The following ADAMTS2 variants were observed in gnomAD, a reference collection of about 807,000 sequenced individuals.
ADAMTS2 encodes the protein ADAM metallopeptidase with thrombospondin type 1 motif 2, also known as A disintegrin and metalloproteinase with thrombospondin motifs 2.
In ADAMTS2, 50 loss-of-function variants were observed where a neutral mutation model predicts 123.0. The ratio of observed to expected loss-of-function variants is 0.41; its 90% CI spans 0.32 to 0.51. The LOEUF is 0.51. Ranked by LOEUF, ADAMTS2 falls within the 20% of genes least tolerant of loss-of-function variation. ADAMTS2 has a pLI of 0.35. For synonymous variants in ADAMTS2, 678 were observed against 695.4 expected, an observed-to-expected ratio of 0.98 and a Z score of 0.39; for missense variants, 1,494 against 1,705.2, an observed-to-expected ratio of 0.88 and a Z score of 2.18.
chr5:179,333,771 T>G (rs1757540149), intron 2 of ADAMTS2, among the ~76,000 whole-genome samples: 1 of 152,020 alleles, frequency 6.6e-6, no homozygotes, highest in African/African-American at 2.4e-5. Flanking sequence ...AGCTAATTTT[T>G]GTATTTTTAA....
At chr5:179,201,152 T>C (rs1441831144) in intron 4 of ADAMTS2, among the ~76,000 whole-genome samples, 1 of 152,166 alleles carries the variant, frequency 6.6e-6, no homozygotes, top group East Asian at 1.9e-4. Context: ...GAAGCGGGAA[T>C]AGATGAAACC....
At chr5:179,267,294 T>C (rs541848087) in intron 3 of ADAMTS2, among the ~76,000 whole-genome samples, 100 of 152,328 alleles carry the variant, frequency 6.6e-4, no homozygotes, top group Non-Finnish European at 1.2e-3. Context: ...ATGGAGGAGC[T>C]GCCCAGTGCC....
At chr5:179,142,862 C>T (rs1006825306) in intron 10 of ADAMTS2, among the ~76,000 whole-genome samples, 4 of 152,148 alleles carry the variant, frequency 2.6e-5, no homozygotes, top group Non-Finnish European at 4.4e-5. Flanking sequence ...TATCCAGTTT[C>T]TTCAATGTAT....
rs1041304220 is a variant in ADAMTS2 at position 179,345,234 on chromosome 5, G to GGCGGCGGCGGCAGGA, written c.80_94dup (p.Leu27_Pro31dup). On this transcript the variant is annotated inframe_insertion, in exon 1 of 22. Transcript: ENST00000251582. The surrounding 1 kb of genome is among the most constrained non-coding windows in gnomAD (Gnocchi z 7.5). ...GGCGAGCCTGGCGTTCGCGGGCGGC[G>GGCGGCGGCGGCAGGA]GCGGCGGCGGCAGGAGCGGCGGCGG... The GGCGGCGGCGGCAGGA allele has an allele frequency of 1.3e-5, 15 of 1,142,932 alleles. No individual in the cohort carries two copies. The highest frequency in any genetic ancestry group is 5.0e-5 in the African/African-American group (3 of 59,990). 70.8% of individuals were successfully genotyped at this position (1,142,932 alleles called of 1,614,324 possible). A position where few individuals can be genotyped will look rare whatever the true frequency, so the allele number is the denominator to read the frequency against.
In ADAMTS2 at chr5:179,303,338, G is replaced by A. The variant is rs1369052174; in HGVS notation, c.535-30274C>T. On this transcript the variant is annotated intron_variant, in intron 2 of 21. Coordinates refer to ENST00000251582, the MANE Select transcript of ADAMTS2 (RefSeq NM_014244.5). This position sits in a 1 kb window ranked among gnomAD's most constrained non-coding sequence, Gnocchi z 4.7. ...AGGATGGTGTGAGCACGCCTCACCTGCATCCCCCACTGCCTGCAGCCACCC... is the reference window on the plus strand; with the variant it reads ...AGGATGGTGTGAGCACGCCTCACCTACATCCCCCACTGCCTGCAGCCACCC... 6.6e-6 allele frequency among the ~76,000 whole-genome samples: 1 copy of A among 152,182 alleles called. No individual in the cohort carries two copies. Among genetic ancestry groups the A allele is most frequent in the Non-Finnish European group, 1.5e-5 (1 of 68,020 alleles).
chr5:179,121,864 G>A (rs1180459879), intron 20 of ADAMTS2, 114 bp from the exon 21 acceptor site: 2 of 654,410 alleles, frequency 3.1e-6, no homozygotes, highest in Non-Finnish European at 2.5e-6. Context: ...CAAGGCCCTC[G>A]CCTCCCCGGG....
At chr5:179,227,094 TC>T (rs1394982848) in intron 3 of ADAMTS2, among the ~76,000 whole-genome samples, 1 of 149,178 alleles carries the variant, frequency 6.7e-6, no homozygotes, top group Non-Finnish European at 1.5e-5. Context: ...GAGATTCTAA[TC>T]CTAGGATTTA....
At chr5:179,288,180 G>A (rs1479278031) in intron 2 of ADAMTS2, among the ~76,000 whole-genome samples, 1 of 152,194 alleles carries the variant, frequency 6.6e-6, no homozygotes, top group South Asian at 2.1e-4. Flanking sequence ...TGCACACACA[G>A]AGCCTGTGCA....
chr5:179,233,579 C>T (rs1312115007), intron 3 of ADAMTS2, among the ~76,000 whole-genome samples: 9 of 152,204 alleles, frequency 5.9e-5, no homozygotes, highest in East Asian at 1.9e-4. Flanking sequence ...CCCAGCTACT[C>T]GGGAGGCTGG....
intron 3 of ADAMTS2, among the ~76,000 whole-genome samples, chr5:179,230,221 G>A (rs1258670064): frequency 1.3e-5 from 2 of 152,180 alleles, no homozygotes; most frequent in Admixed American, 6.5e-5. Flanking sequence ...GGCAGGCAGG[G>A]TGCCCTCGGG....
chr5:179,250,834 T>A (rs1765904685), intron 3 of ADAMTS2, among the ~76,000 whole-genome samples: 2 of 152,210 alleles, frequency 1.3e-5, no homozygotes, highest in African/African-American at 4.8e-5. Context: ...CGCCCTCCCA[T>A]AGCAGCCTCG....
chr5:179,151,046 AC>A, intron 10 of ADAMTS2: 1 of 242,526 alleles, frequency 4.1e-6, no homozygotes, highest in Non-Finnish European at 8.8e-6. Flanking sequence ...ACAGGCACCC[AC>A]CACCGCGCCC....
intron 2 of ADAMTS2, among the ~76,000 whole-genome samples, chr5:179,329,685 A>T (rs1757429007): frequency 6.6e-6 from 1 of 152,210 alleles, no homozygotes. Flanking sequence ...CTGACCGAAG[A>T]AACAAAACAC....
chr5:179,147,860 GA>G (rs1763280627), intron 10 of ADAMTS2, among the ~76,000 whole-genome samples: 1 of 152,176 alleles, frequency 6.6e-6, no homozygotes, highest in Non-Finnish European at 1.5e-5. Flanking sequence ...TGAGAAGCAG[GA>G]ATGAAAAGAG....
At chr5:179,147,026 G>C (rs1028368495) in intron 10 of ADAMTS2, among the ~76,000 whole-genome samples, 2 of 152,072 alleles carry the variant, frequency 1.3e-5, no homozygotes, top group Admixed American at 1.3e-4. Flanking sequence ...AAATTTTTTA[G>C]AGCCCTTCAT....
chr5:179,124,473 C>T (rs1762816859), intron 19 of ADAMTS2, among the ~76,000 whole-genome samples: 1 of 152,214 alleles, frequency 6.6e-6, no homozygotes. Flanking sequence ...GATCCTGGAG[C>T]CCCGAACATC....
chr5:179,127,709 G>A (rs1373485549), intron 17 of ADAMTS2, among the ~76,000 whole-genome samples: 3 of 152,128 alleles, frequency 2.0e-5, no homozygotes, highest in East Asian at 3.9e-4. Flanking sequence ...CCCCCACACT[G>A]AAGCAGGCCC....
intron 3 of ADAMTS2, among the ~76,000 whole-genome samples, chr5:179,235,166 A>C (rs1264815901): frequency 2.6e-5 from 4 of 152,150 alleles, no homozygotes; most frequent in Non-Finnish European, 5.9e-5. Context: ...CCTTCTTTTA[A>C]ACCACTGATC....
intron 4 of ADAMTS2, among the ~76,000 whole-genome samples, chr5:179,191,882 A>G (rs1363150960): frequency 6.6e-6 from 1 of 151,308 alleles, no homozygotes. Context: ...CTCGCTCCAG[A>G]AGGGGGTGTG....
Sources: gnomAD v4.1 joint callset for allele counts (sites outside exome capture counted in the v4.1 genomes callset) on GRCh38, gnomAD v4.1.1 for gene constraint, Gnocchi (gnomAD v3.1) non-coding constraint, MANE v1.5 for transcripts, NCBI Gene and HGNC (gene_info 2026-07-23, HGNC 2026-07-21) for gene names.